IL1R1: variants seen among roughly 807,000 people sequenced by gnomAD.
IL1R1 encodes the protein interleukin 1 receptor type 1, also known as interleukin-1 receptor type 1.
In IL1R1, 22 loss-of-function variants were observed where a neutral mutation model predicts 50.2. The ratio of observed to expected loss-of-function variants is 0.44; its 90% CI spans 0.31 to 0.63. The LOEUF (loss-of-function observed/expected upper bound fraction) is 0.63. IL1R1 is among the 20% of genes least tolerant of loss of function. The pLI, the probability that IL1R1 is intolerant of heterozygous loss-of-function variation, is 0.07. For synonymous variants in IL1R1, 251 were observed against 236.7 expected (o/e 1.06, Z -0.55); for missense variants, 509 against 676.2 (o/e 0.75, Z 2.74).
upstream of IL1R1, among the ~76,000 whole-genome samples, chr2:102,101,355 C>A (rs963914701): frequency 6.6e-6 from 1 of 152,162 alleles, no homozygotes; most frequent in African/African-American, 2.4e-5. Flanking sequence ...GGTCTGCTGG[C>A]GTCCAGGTTG....
intron 2 of IL1R1, among the ~76,000 whole-genome samples, chr2:102,154,692 T>C (rs569998239): frequency 2.0e-5 from 3 of 152,250 alleles, no homozygotes; most frequent in Non-Finnish European, 4.4e-5. Flanking sequence ...CTCCAGTTTA[T>C]GTTCCACACA....
chr2:102,103,299 G>A (rs115643076), upstream of IL1R1, among the ~76,000 whole-genome samples: 140 of 152,240 alleles, frequency 9.2e-4, no homozygotes, highest in African/African-American at 3.2e-3. Flanking sequence ...GGATGCTTGA[G>A]TGGGGTCTGC....
Position 102,176,992 on chromosome 2 carries a change from G to A in IL1R1, c.*233G>A, listed in dbSNP as rs1013337311. 7 of 493,398 alleles carry A rather than the reference G, an allele frequency of 1.4e-5. No homozygotes were observed. The highest frequency in any genetic ancestry group is 5.8e-5 in the African/African-American group (3 of 52,036). 30.6% of individuals were successfully genotyped at this position (493,398 alleles called of 1,614,324 possible). On this transcript the variant is annotated 3_prime_UTR_variant, in exon 12 of 12. Coordinates refer to ENST00000410023, the MANE Select transcript of IL1R1 (RefSeq NM_000877.4). ...CTTTTAAAAAGGCAGTAGGCCCGGT[G>A]TGGTGGCTCACGCCTATAATCCCAG...
chr2:102,074,354 A>G (rs575533493), intron 1 of IL1R1, among the ~76,000 whole-genome samples: 1 of 149,640 alleles, frequency 6.7e-6, no homozygotes, highest in African/African-American at 2.5e-5. Flanking sequence ...CTTTGGTGAG[A>G]CAGTGGGGAG....
chr2:102,123,777 T>TAATAA lies in IL1R1; in HGVS notation c.-84+18941_-84+18945dup, dbSNP rs57287555. Among the ~76,000 whole-genome samples, 561 of 149,050 alleles carry TAATAA rather than the reference T, an allele frequency of 3.8e-3. 1 individual carries two copies. The highest frequency in any genetic ancestry group is 7.8e-3 in the African/African-American group (318 of 40,608). ...TGGGTGACAGAGTGAGACTGTGTCT[T>TAATAA]AATAAAATAAAATAAAATAAAATAA... On this transcript the variant is annotated intron_variant, in intron 1 of 10. Transcript: ENST00000409329.
At chr2:102,093,735 G>A (rs1362731556) in intron 1 of IL1R1, among the ~76,000 whole-genome samples, 1 of 151,960 alleles carries the variant, frequency 6.6e-6, no homozygotes, top group African/African-American at 2.4e-5. Flanking sequence ...ACATATTCTG[G>A]ATGCAAGTCC....
At position 102,177,847 on chromosome 2, in the gene IL1R1, A is replaced by G. The variant is rs1686270318; in HGVS notation, c.*1088A>G. 6.6e-6 allele frequency: 1 copy of G among 152,470 alleles called. No homozygotes were observed. The highest frequency in any genetic ancestry group is 1.5e-5 in the Non-Finnish European group (1 of 68,220). The allele number at this position is 152,470 out of a possible 1,614,324, so 9.4% of individuals were successfully genotyped here. A position where few individuals can be genotyped will look rare whatever the true frequency, so the allele number is the denominator to read the frequency against. ...GTCTGCAATGTCCCTTGCACAGCCC[A>G]CACATGAACCATCCTTCCCATGATG... On this transcript the variant is annotated 3_prime_UTR_variant, in exon 12 of 12. Transcript: ENST00000410023.
At chr2:102,170,267 TAATA>T (rs1437543444) in intron 7 of IL1R1, among the ~76,000 whole-genome samples, 4 of 152,156 alleles carry the variant, frequency 2.6e-5, no homozygotes, top group Non-Finnish European at 4.4e-5. Context: ...TTCCTTAACT[TAATA>T]AATAACATCA....
At chr2:102,106,997 A>T (rs1680451822) in intron 1 of IL1R1, among the ~76,000 whole-genome samples, 1 of 152,132 alleles carries the variant, frequency 6.6e-6, no homozygotes, top group African/African-American at 2.4e-5. Flanking sequence ...TTTCCTTGAG[A>T]TAAATCCCCA....
Position 102,176,606 on chromosome 2 carries a change from T to C in IL1R1, c.1557T>C (p.Phe519=). 2.5e-6 allele frequency: 4 copies of C among 1,614,194 alleles called. No individual in the cohort carries two copies. Among genetic ancestry groups the C allele is most frequent in the Non-Finnish European group, 3.4e-6 (4 of 1,180,012 alleles). Reference sequence around the variant, plus strand: ...GGGCTATCCGCTGGTCAGGGGACTTTACACAGGGACCACAGTCTGCAAAGA... The same window carrying C: ...GGGCTATCCGCTGGTCAGGGGACTTCACACAGGGACCACAGTCTGCAAAGA... ...KHGAIRWSGD[F]TQGPQSAKTR... Residue 519 remains phenylalanine, a synonymous_variant, in exon 12 of 12, where the codon TTT becomes TTC. Coordinates refer to ENST00000410023, the MANE Select transcript of IL1R1 (RefSeq NM_000877.4).
intron 1 of IL1R1, among the ~76,000 whole-genome samples, chr2:102,121,564 G>A (rs1461241907): frequency 1.3e-5 from 2 of 152,138 alleles, no homozygotes; most frequent in Non-Finnish European, 2.9e-5. Context: ...GGGCCTCCCT[G>A]GCTGTGTGGT....
At chr2:102,112,034 G>T (rs1379123622) in intron 1 of IL1R1, among the ~76,000 whole-genome samples, 2 of 152,098 alleles carry the variant, frequency 1.3e-5, no homozygotes, top group Admixed American at 6.5e-5. Context: ...ATTGAGGAGA[G>T]TGTCTCTATT....
intron 1 of IL1R1, among the ~76,000 whole-genome samples, chr2:102,124,404 A>C (rs1351786116): frequency 6.6e-6 from 1 of 151,868 alleles, no homozygotes; most frequent in Non-Finnish European, 1.5e-5. Context: ...TGGGTGACAG[A>C]GCAAGACTCC....
intron 1 of IL1R1, among the ~76,000 whole-genome samples, chr2:102,111,820 T>C (rs1244441999): frequency 2.0e-5 from 3 of 152,146 alleles, no homozygotes; most frequent in Non-Finnish European, 4.4e-5. Flanking sequence ...AGGGCTTCTC[T>C]GACATCCTTT....
intron 1 of IL1R1, among the ~76,000 whole-genome samples, chr2:102,129,563 C>G (rs1436679352): frequency 6.6e-6 from 1 of 152,164 alleles, no homozygotes; most frequent in Non-Finnish European, 1.5e-5. Flanking sequence ...AGGAGCAGTT[C>G]AAATCTCAAT....
chr2:102,071,372 C>T (rs1678711177), intron 1 of IL1R1, among the ~76,000 whole-genome samples: 1 of 152,070 alleles, frequency 6.6e-6, no homozygotes, highest in Admixed American at 6.5e-5. Context: ...TTCTAATGGA[C>T]ATCTATTTGT....
At chr2:102,168,176 A>T (rs1222643265) in intron 6 of IL1R1, among the ~76,000 whole-genome samples, 2 of 152,184 alleles carry the variant, frequency 1.3e-5, no homozygotes, top group Non-Finnish European at 2.9e-5. Flanking sequence ...TGTAGTTCTC[A>T]CTATTGGGTC....
chr2:102,123,993 T>A (rs1384876940), intron 1 of IL1R1, among the ~76,000 whole-genome samples: 1 of 151,872 alleles, frequency 6.6e-6, no homozygotes, highest in Non-Finnish European at 1.5e-5. Context: ...GAAAGGGGTT[T>A]ATCTTGTGAG....
intron 1 of IL1R1, among the ~76,000 whole-genome samples, chr2:102,071,801 A>G (rs1368342929): frequency 2.6e-5 from 4 of 152,136 alleles, no homozygotes; most frequent in Non-Finnish European, 4.4e-5. Flanking sequence ...GCCAAGAAGG[A>G]GGTGTGAGAT....
Sources: gnomAD v4.1 joint callset for allele counts (sites outside exome capture counted in the v4.1 genomes callset) on GRCh38, gnomAD v4.1.1 for gene constraint, MANE v1.5 for transcripts, NCBI Gene and HGNC (gene_info 2026-07-23, HGNC 2026-07-21) for gene names.